The following PRR5 variants were observed in gnomAD, a reference collection of about 807,000 sequenced individuals.
The protein encoded by PRR5 is proline rich 5, also known as proline-rich protein 5.
PRR5 carries 25 observed loss-of-function variants against 30.6 expected under a neutral mutation model. That is an observed-to-expected ratio of 0.82 (90% CI 0.60 to 1.14). PRR5 has a LOEUF of 1.14. Among genes scored for constraint, PRR5 ranks in the 50% most tolerant of loss-of-function variants. PRR5 has a pLI of 0.00. For missense variants in PRR5, 600 were observed against 547.1 expected (o/e 1.10, Z -0.96); for synonymous variants, 286 against 247.1 (o/e 1.16, Z -1.48).
intron 1 of PRR5, among the ~76,000 whole-genome samples, chr22:44,695,923 CTTTTTTTT>C (rs79228617): frequency 1.1e-3 from 84 of 73,346 alleles, no homozygotes; most frequent in South Asian, 2.9e-3. Context: ...ATTCTGACAA[CTTTTTTTT>C]TTTTTTTTTT....
intron 4 of PRR5, chr22:44,731,001 C>G (rs756081467): frequency 4.4e-5 from 18 of 406,726 alleles, no homozygotes; most frequent in South Asian, 3.4e-4. Flanking sequence ...AGCGCCAGCA[C>G]ACAGTAGGTG....
intron 4 of PRR5, chr22:44,729,686 C>T (rs572603336): frequency 8.1e-5 from 80 of 985,386 alleles, no homozygotes; most frequent in East Asian, 1.1e-4. Flanking sequence ...GGACAGGCCC[C>T]GGCAGAGAGC....
intron 4 of PRR5, 108 bp from the exon 5 acceptor site, chr22:44,731,622 C>G (rs370193666): frequency 6.0e-5 from 69 of 1,140,736 alleles, no homozygotes; most frequent in African/African-American, 2.6e-4. Context: ...TGCCAGGGGC[C>G]TGAGCCCAGG....
At chr22:44,710,310 G>A (rs929552881) in intron 1 of PRR5, among the ~76,000 whole-genome samples, 1 of 152,062 alleles carries the variant, frequency 6.6e-6, no homozygotes, top group African/African-American at 2.4e-5. Flanking sequence ...CTCAGGAGGG[G>A]CTGGCCCCCC....
chr22:44,698,839 C>T (rs965074066), upstream of PRR5, among the ~76,000 whole-genome samples: 7 of 152,350 alleles, frequency 4.6e-5, no homozygotes, highest in East Asian at 1.9e-4. Context: ...GGCTAGACTC[C>T]GCCCTTTGTC....
At chr22:44,679,550 C>CAA (rs201513492) in intron 1 of PRR5, 5 of 330,100 alleles carry the variant, frequency 1.5e-5, no homozygotes, top group African/African-American at 1.1e-4. Context: ...ACTAAAAATA[C>CAA]AAAAAAATTA....
chr22:44,702,677 G>A, intron 1 of PRR5, 69 bp downstream of exon 1: 2 of 1,237,078 alleles, frequency 1.6e-6, no homozygotes, highest in Non-Finnish European at 2.0e-6. Flanking sequence ...AGCCGTCCGC[G>A]GGCTAGGGGC....
chr22:44,694,683 CA>C (rs1229006764), intron 1 of PRR5, among the ~76,000 whole-genome samples: 2 of 152,178 alleles, frequency 1.3e-5, no homozygotes, highest in African/African-American at 4.8e-5. Context: ...TTCAGAGCCC[CA>C]ACTAACCCAC....
intron 1 of PRR5, among the ~76,000 whole-genome samples, chr22:44,678,300 T>C (rs2146936017): frequency 6.6e-6 from 1 of 151,284 alleles, no homozygotes; most frequent in East Asian, 2.0e-4. Context: ...TTGTCGTCCT[T>C]CACCTGCTGG....
chr22:44,729,063 G>A (rs926297766), intron 4 of PRR5, among the ~76,000 whole-genome samples: 1 of 152,212 alleles, frequency 6.6e-6, no homozygotes, highest in Admixed American at 6.5e-5. Flanking sequence ...GGAACTCTGG[G>A]CGGGAGCTCC....
rs535194703 is a variant in PRR5 at position 44,680,027 on chromosome 22, G to A, written c.-11+2787G>A. The A allele has an allele frequency of 2.5e-5, 18 of 720,756 alleles. No homozygotes were observed. In the African/African-American group the frequency reaches 3.0e-4, roughly 12 times the overall value. 44.6% of individuals were successfully genotyped at this position (720,756 alleles called of 1,614,324 possible). A position where few individuals can be genotyped will look rare whatever the true frequency, so the allele number is the denominator to read the frequency against. On this transcript the variant is annotated intron_variant, in intron 1 of 8. Transcript: ENST00000006251. ...GAGGGCTGGACCTCAGCCTGAGTGAGTGTGTTTGGTGGGGTGAGCAGTGAT... is the reference window on the plus strand; with the variant it reads ...GAGGGCTGGACCTCAGCCTGAGTGAATGTGTTTGGTGGGGTGAGCAGTGAT...
At chr22:44,727,800 C>G (rs115528619) in intron 4 of PRR5, among the ~76,000 whole-genome samples, 1 of 152,204 alleles carries the variant, frequency 6.6e-6, no homozygotes, top group Admixed American at 6.5e-5. Context: ...TCCTTCCTCA[C>G]GTCCACTGAA....
intron 6 of PRR5, 74 bp downstream of exon 6, chr22:44,732,465 G>C: frequency 5.2e-6 from 8 of 1,544,752 alleles, no homozygotes; most frequent in Non-Finnish European, 7.0e-6. Flanking sequence ...CACAGGCAGA[G>C]CATGAGATGA....
intron 6 of PRR5, among the ~76,000 whole-genome samples, chr22:44,732,613 C>T (rs1922235297): frequency 6.6e-6 from 1 of 152,166 alleles, no homozygotes; most frequent in Non-Finnish European, 1.5e-5. Context: ...GGGCACAGGG[C>T]TGGGCCTTTA....
chr22:44,702,629 CCACCCGGA>C, intron 1 of PRR5, 21 bp downstream of exon 1: 1 of 1,275,518 alleles, frequency 7.8e-7, no homozygotes. Flanking sequence ...GCCCTCCCGG[CCACCCGGA>C]GGCCCTGGAG....
chr22:44,717,285 G>A (rs941157535), intron 2 of PRR5, among the ~76,000 whole-genome samples: 4 of 142,192 alleles, frequency 2.8e-5, no homozygotes, highest in Non-Finnish European at 4.5e-5. Flanking sequence ...TCCGCCTCCC[G>A]GGTTCAAGCG....
At chr22:44,672,445 G>A (rs367563738), upstream of PRR5, among the ~76,000 whole-genome samples, 2 of 152,234 alleles carry the variant, frequency 1.3e-5, no homozygotes, top group East Asian at 1.9e-4. Flanking sequence ...TTAGCCAGGC[G>A]TGGTGGCACA....
chr22:44,703,964 AG>A (rs1926781362), intron 1 of PRR5, among the ~76,000 whole-genome samples: 1 of 152,196 alleles, frequency 6.6e-6, no homozygotes, highest in Non-Finnish European at 1.5e-5. Flanking sequence ...CGTGATTTAG[AG>A]GAAAGAGTTA....
At chr22:44,735,301 A>T (rs1923011495) in intron 7 of PRR5, 139 bp downstream of exon 7, 1 of 1,276,278 alleles carries the variant, frequency 7.8e-7, no homozygotes, top group South Asian at 1.5e-5. Context: ...AGCAGCCCCC[A>T]GCCTGCCATA....
Sources: allele counts gnomAD v4.1 joint callset (sites outside exome capture counted in the v4.1 genomes callset), GRCh38; gene constraint gnomAD v4.1.1; transcripts MANE v1.5; gene names NCBI Gene and HGNC (gene_info 2026-07-23, HGNC 2026-07-21).